Variants in AHNAK observed in about 807,000 individuals in gnomAD.
AHNAK encodes neuroblast differentiation-associated protein AHNAK.
AHNAK carries 23 observed loss-of-function variants against 37.8 expected under a neutral mutation model. That is an observed-to-expected ratio of 0.61 (90% CI 0.44 to 0.86). AHNAK has a LOEUF of 0.86. AHNAK is among the 40% of genes least tolerant of loss of function. AHNAK has a pLI of 0.00. For missense variants in AHNAK, 7,411 were observed against 7,319.4 expected (o/e 1.01, Z -0.46); for synonymous variants, 2,481 against 2,636.3 (o/e 0.94, Z 1.80).
chr11:62,434,155 G>A (rs1182506297), intron 5 of AHNAK, among the ~76,000 whole-genome samples: 1 of 152,118 alleles, frequency 6.6e-6, no homozygotes, highest in African/African-American at 2.4e-5. Context: ...GCCCGAGTCT[G>A]TCCTTTTGGT....
In AHNAK at chr11:62,527,203, T is replaced by C. The variant is rs1196179859; in HGVS notation, c.7214A>G (p.Asp2405Gly). 2 of 1,611,736 alleles carry C rather than the reference T, an allele frequency of 1.2e-6. No homozygotes were observed. Among genetic ancestry groups the C allele is most frequent in the African/African-American group, 2.7e-5 (2 of 74,762 alleles). Residue 2405 changes from aspartate (D) to glycine (G), a missense_variant, in exon 5 of 5, where the codon GAT (aspartate) becomes GGT (glycine). Physicochemically the swap from Asp to Gly is moderately conservative, Grantham distance 94. Coordinates refer to ENST00000378024, the MANE Select transcript of AHNAK (RefSeq NM_001620.3). ...LKSPKAKGEV[D>G]VDVPKLEGDL... is the part of the protein sequence containing the mutation. The stretch of plus-strand genomic sequence containing the variant: ...CCCTTCCAATTTGGGAACATCTACA[T>C]CCACCTCTCCTTTTGCCTTGGGGCT...
At chr11:62,541,416 G>A (rs2134265604) in intron 1 of AHNAK, among the ~76,000 whole-genome samples, 1 of 152,300 alleles carries the variant, frequency 6.6e-6, no homozygotes, top group Admixed American at 6.5e-5. Flanking sequence ...CCTCATCCCA[G>A]GAACAAAATG....
chr11:62,529,896 G>A lies in AHNAK; in HGVS notation c.4521C>T (p.His1507=). The A allele has an allele frequency of 1.2e-6, 2 of 1,613,244 alleles. No homozygotes were observed. Among genetic ancestry groups the A allele is most frequent in the Non-Finnish European group, 8.5e-7 (1 of 1,179,832 alleles). ...GCATTTTTACCTTGGGCATCTTCAG[G>A]TGCCAGTCTGGGCCATGAACCTCCA... is the stretch of plus-strand genomic sequence containing the variant. ...PDVEVHGPDW[H]LKMPKVKMPK... is the part of the protein sequence containing the mutation. Residue 1507 remains histidine (H), a synonymous_variant, in exon 5 of 5, where the codon CAC becomes CAT. Transcript: ENST00000378024.
Position 62,532,781 on chromosome 11 carries a change from G to T in AHNAK, c.1636C>A (p.Pro546Thr). The change falls in exon 5 of 5, where the codon CCA becomes ACA. Residue 546 changes from proline to threonine, a missense_variant. By Grantham distance (38) the Pro-to-Thr change is conservative. Transcript: ENST00000378024. ...LKGSRVDIETPNLEGTLTGPR... is the reference protein window; with the variant it reads ...LKGSRVDIETTNLEGTLTGPR... ...CCTGTCAAGGTTCCCTCTAGGTTTG[G>T]TGTCTCTATGTCCACTCTGGAGCCT... is the stretch of plus-strand genomic sequence containing the variant. 6.2e-7 allele frequency: 1 copy of T among 1,614,084 alleles called. No individual in the cohort carries two copies. The highest frequency in any genetic ancestry group is 8.5e-7 in the Non-Finnish European group (1 of 1,180,012).
intron 5 of AHNAK, among the ~76,000 whole-genome samples, chr11:62,468,700 A>G (rs1316075472): frequency 6.6e-6 from 1 of 152,160 alleles, no homozygotes; most frequent in Non-Finnish European, 1.5e-5. Flanking sequence ...AAGGAGGTCA[A>G]ACTTCCCATG....
chr11:62,535,626 C>A (rs1468182427), intron 3 of AHNAK, among the ~76,000 whole-genome samples: 6 of 149,000 alleles, frequency 4.0e-5, no homozygotes, highest in Non-Finnish European at 8.9e-5. Context: ...CCAGCCTGGG[C>A]AACAAGAACA....
chr11:62,461,278 T>A (rs1476340173), intron 5 of AHNAK, among the ~76,000 whole-genome samples: 5 of 150,128 alleles, frequency 3.3e-5, no homozygotes, highest in Non-Finnish European at 4.4e-5. Flanking sequence ...CCCAAGTAGC[T>A]GGGATGACAG....
rs141999687 is a variant in AHNAK, at chr11:62,521,852, G to A, written c.12565C>T (p.Pro4189Ser). ...CTGAACTTGGGCATTTTCACTTTGGGCATTTTTAAGTGCCAGTCTGGGCCT... is the reference window on the plus strand; with the variant it reads ...CTGAACTTGGGCATTTTCACTTTGGACATTTTTAAGTGCCAGTCTGGGCCT... ...VQGPDWHLKM[P>S]KVKMPKFSMP... is the part of the protein sequence containing the mutation. Residue 4189 changes from proline (P) to serine (S), a missense_variant, in exon 5 of 5, where the codon CCC (proline) becomes TCC (serine). Coordinates refer to ENST00000378024, the MANE Select transcript of AHNAK (RefSeq NM_001620.3). 1.4e-5 allele frequency: 23 copies of A among 1,612,494 alleles called. No individual in the cohort carries two copies. In the African/African-American group the frequency reaches 2.0e-4, roughly 14 times the overall value.
At position 62,525,677 on chromosome 11, in the gene AHNAK, C is replaced by G. The variant is rs1940453674; in HGVS notation, c.8740G>C (p.Val2914Leu). Reference sequence around the variant, plus strand: ...TCAGCCTTGGGCAGGTTCACATCCACTTCAGGGCCCTCTGCTTTGAAGCCA... The same window carrying G: ...TCAGCCTTGGGCAGGTTCACATCCAGTTCAGGGCCCTCTGCTTTGAAGCCA... ...MPGFKAEGPE[V>L]DVNLPKADVD... Residue 2914 changes from valine (V) to leucine (L), a missense_variant, in exon 5 of 5, where the codon GTG becomes CTG. Coordinates refer to ENST00000378024, the MANE Select transcript of AHNAK (RefSeq NM_001620.3). 6.2e-7 allele frequency: 1 copy of G among 1,613,554 alleles called. No homozygotes were observed.
chr11:62,523,124 C>T lies in AHNAK; in HGVS notation c.11293G>A (p.Val3765Ile), dbSNP rs951222557. 2 of 1,613,982 alleles carry T rather than the reference C, an allele frequency of 1.2e-6. No homozygotes were observed. Among genetic ancestry groups the T allele is most frequent in the Non-Finnish European group, 1.7e-6 (2 of 1,180,014 alleles). ...KGPKVKGDVD[V>I]SLPKMEGDLK... ...TCACCTTCCATTTTGGGCAGAGAAA[C>T]ATCCACATCGCCCTTGACTTTGGGG... The change falls in exon 5 of 5, where the codon GTT becomes ATT. Residue 3765 changes from valine (V) to isoleucine (I), a missense_variant. Val to Ile is a conservative substitution (Grantham distance 29). Transcript: ENST00000378024.
chr11:62,532,881 A>T lies in AHNAK; in HGVS notation c.1536T>A (p.Pro512=), dbSNP rs764349452. 28 of 1,614,112 alleles carry T rather than the reference A, an allele frequency of 1.7e-5. No individual in the cohort carries two copies. Among genetic ancestry groups the T allele is most frequent in the Non-Finnish European group, 2.4e-5 (28 of 1,180,018 alleles). Residue 512 remains proline, a synonymous_variant, in exon 5 of 5, where the codon CCT becomes CCA. Coordinates refer to ENST00000378024, the MANE Select transcript of AHNAK (RefSeq NM_001620.3). The part of the protein sequence containing the change: ...MQDVDLSLGS[P]KLKGDIKVSA... ...AAACCTTAATATCTCCTTTCAGTTTAGGAGACCCAAGGCTCAGATCCACAT... is the reference window on the plus strand; with the variant it reads ...AAACCTTAATATCTCCTTTCAGTTTTGGAGACCCAAGGCTCAGATCCACAT...
rs776558982 is a variant in AHNAK, at chr11:62,532,889, C to G, written c.1528G>C (p.Gly510Arg). The G allele has an allele frequency of 1.2e-6, 2 of 1,614,074 alleles. No homozygotes were observed. Among genetic ancestry groups the G allele is most frequent in the Non-Finnish European group, 1.7e-6 (2 of 1,180,006 alleles). Residue 510 changes from glycine (G) to arginine (R), a missense_variant, in exon 5 of 5, where the codon GGG becomes CGG. Transcript: ENST00000378024. ...ATATCTCCTTTCAGTTTAGGAGACC[C>G]AAGGCTCAGATCCACATCCTGCATG... ...ISMQDVDLSL[G>R]SPKLKGDIKV...
At chr11:62,487,515 G>A (rs1939416979) in intron 5 of AHNAK, among the ~76,000 whole-genome samples, 2 of 152,184 alleles carry the variant, frequency 1.3e-5, no homozygotes, top group Admixed American at 6.5e-5. Flanking sequence ...CAGCGTAAGT[G>A]TCTTTTTTTT....
rs1443907763 is a variant in AHNAK at position 62,526,795 on chromosome 11, A to T, written c.7622T>A (p.Ile2541Asn). ...TTCAATGTCCACCTTGGGTCCTGAG[A>T]TGTCAACGTCAGCCTTAGGCAAGTT... is the stretch of plus-strand genomic sequence containing the variant. ...DVNLPKADVD[I>N]SGPKVDIEGP... is the part of the protein sequence containing the mutation. The change falls in exon 5 of 5, where the codon ATC becomes AAC. Residue 2541 changes from isoleucine (I) to asparagine (N), a missense_variant. Coordinates refer to ENST00000378024, the MANE Select transcript of AHNAK (RefSeq NM_001620.3). 2 of 1,613,894 alleles carry T rather than the reference A, an allele frequency of 1.2e-6. No homozygotes were observed. Among genetic ancestry groups the T allele is most frequent in the Admixed American group, 1.7e-5 (1 of 60,000 alleles).
intron 5 of AHNAK, among the ~76,000 whole-genome samples, chr11:62,473,388 TAAAAAAAAAAAAAAA>T (rs34585695): frequency 3.1e-5 from 1 of 31,816 alleles, no homozygotes; most frequent in South Asian, 1.8e-3. Flanking sequence ...AGACTCCATC[TAAAAAAAAAAAAAAA>T]AAAAAAAAAA....
At position 62,516,876 on chromosome 11, in the gene AHNAK, C is replaced by T. The variant is rs1940035989; in HGVS notation, c.17541G>A (p.Lys5847=). 1 of 1,614,082 alleles carries T rather than the reference C, an allele frequency of 6.2e-7. No individual in the cohort carries two copies. The highest frequency in any genetic ancestry group is 8.5e-7 in the Non-Finnish European group (1 of 1,180,034). ...CCAGGGACACCCCACTCCCCTGTAA[C>T]TTGCCTGTCTCATCATCGCTCCCAG... ...EVTGSDDETG[K]LQGSGVSLAS... The change falls in exon 5 of 5, where the codon AAG becomes AAA. Residue 5847 remains lysine (K), a synonymous_variant. Coordinates refer to ENST00000378024, the MANE Select transcript of AHNAK (RefSeq NM_001620.3).
chr11:62,481,480 C>T (rs1446349074), intron 5 of AHNAK, among the ~76,000 whole-genome samples: 2 of 152,162 alleles, frequency 1.3e-5, no homozygotes, highest in African/African-American at 2.4e-5. Context: ...CCTGCCTCCA[C>T]ACCTCCCACC....
At chr11:62,478,178 C>G (rs990797161) in intron 5 of AHNAK, among the ~76,000 whole-genome samples, 4 of 152,202 alleles carry the variant, frequency 2.6e-5, no homozygotes, top group African/African-American at 7.2e-5. Context: ...CCACCCGCAG[C>G]CTCACCCAGC....
At position 62,529,467 on chromosome 11, in the gene AHNAK, G is replaced by A. The variant is rs2134232564; in HGVS notation, c.4950C>T (p.Ala1650=). ...CCACATCGGGCATGGAGATCTTGGG[G>A]GCCTTGAAATGCATCTCAGGCATCT... The part of the protein sequence containing the change: ...KFKMPEMHFK[A]PKISMPDVDL... Residue 1650 remains alanine, a synonymous_variant, in exon 5 of 5, where the codon GCC becomes GCT. Transcript: ENST00000378024. The A allele has an allele frequency of 6.2e-6, 10 of 1,613,958 alleles. No individual in the cohort carries two copies. The highest frequency in any genetic ancestry group is 8.5e-6 in the Non-Finnish European group (10 of 1,180,012).
Sources: gnomAD v4.1 joint callset for allele counts (sites outside exome capture counted in the v4.1 genomes callset) on GRCh38, gnomAD v4.1.1 for gene constraint, MANE v1.5 for transcripts, NCBI Gene and HGNC (gene_info 2026-07-23, HGNC 2026-07-21) for gene names.